ARHGAP12: variants seen among roughly 807,000 people sequenced by gnomAD.
ARHGAP12 encodes rho GTPase-activating protein 12.
Under a neutral mutation model 108.6 loss-of-function variants are expected in ARHGAP12, and 64 were observed. The ratio of observed to expected loss-of-function variants is 0.59; its 90% CI spans 0.48 to 0.73. ARHGAP12 has a LOEUF of 0.73. Among genes scored for constraint, ARHGAP12 ranks in the 30% least tolerant of loss-of-function variants. The probability of loss-of-function intolerance (pLI) is 0.00; values close to 1 mark genes in which losing one functional copy is unlikely to be tolerated. For missense variants in ARHGAP12, 940 were observed against 1,005.9 expected (o/e 0.93, Z 0.89); for synonymous variants, 312 against 337.2 (o/e 0.93, Z 0.82).
intron 13 of ARHGAP12, among the ~76,000 whole-genome samples, chr10:31,816,629 T>G (rs1459599206): frequency 1.3e-5 from 2 of 152,194 alleles, no homozygotes; most frequent in Non-Finnish European, 2.9e-5. Context: ...AAAGACAGAT[T>G]GGGCCTACAC....
intron 3 of ARHGAP12, 115 bp from the exon 4 acceptor site, chr10:31,861,773 G>C (rs962889345): frequency 1.0e-5 from 9 of 887,100 alleles, no homozygotes; most frequent in African/African-American, 3.4e-5. Context: ...CATATATACA[G>C]GTGAATATAT....
chr10:31,837,962 TG>T lies in ARHGAP12; in HGVS notation c.1386+1342del, dbSNP rs544063495. ...TCTAATGAAGCTTTACTCTGTCTGG[TG>T]GGGAAGACAGACATTAATAGAGAGT... On this transcript the variant is annotated intron_variant, in intron 9 of 19. Transcript: ENST00000344936. Among the ~76,000 whole-genome samples the T allele has an allele frequency of 2.4e-4, 36 of 152,236 alleles. No homozygotes were observed. The South Asian group carries it at 7.5e-3, about 32-fold the overall frequency.
intron 11 of ARHGAP12, among the ~76,000 whole-genome samples, chr10:31,822,314 A>T (rs1484898264): frequency 6.6e-6 from 1 of 152,208 alleles, no homozygotes; most frequent in Non-Finnish European, 1.5e-5. Context: ...TGTTTCCAAG[A>T]AGAAAGCAGC....
chr10:31,873,762 G>A (rs1837623015), intron 3 of ARHGAP12, among the ~76,000 whole-genome samples: 1 of 152,218 alleles, frequency 6.6e-6, no homozygotes, highest in Non-Finnish European at 1.5e-5. Context: ...AAAGCTAAAT[G>A]TGATAGCTGC....
intron 3 of ARHGAP12, among the ~76,000 whole-genome samples, chr10:31,893,328 A>G (rs1010791970): frequency 2.0e-5 from 3 of 152,210 alleles, no homozygotes; most frequent in Admixed American, 6.5e-5. Context: ...GAAAAAATCA[A>G]CAAAATTGAT....
intron 4 of ARHGAP12, among the ~76,000 whole-genome samples, chr10:31,858,957 C>T (rs1402603687): frequency 2.0e-5 from 3 of 151,984 alleles, no homozygotes; most frequent in African/African-American, 4.8e-5. Flanking sequence ...GCAACTGGCT[C>T]AGCAACTGAC....
Position 31,908,054 on chromosome 10 carries a change from G to T in ARHGAP12, c.684+118C>A, listed in dbSNP as rs560933537. ...ATCTCTAAATCAGGATAGAACCCAT[G>T]TACTCTGAAAATACAAAGCAAAACA... is the stretch of plus-strand genomic sequence containing the variant. On this transcript the variant is annotated intron_variant, in intron 3 of 19. Coordinates refer to ENST00000344936, the MANE Select transcript of ARHGAP12 (RefSeq NM_018287.7). 9.9e-5 allele frequency: 95 copies of T among 964,456 alleles called. 1 individual carries two copies. In the East Asian group the frequency reaches 2.1e-3, roughly 22 times the overall value. 59.7% of individuals were successfully genotyped at this position (964,456 alleles called of 1,614,324 possible).
At chr10:31,911,696 C>T (rs145774306) in intron 1 of ARHGAP12, among the ~76,000 whole-genome samples, 6 of 152,276 alleles carry the variant, frequency 3.9e-5, no homozygotes, top group African/African-American at 1.4e-4. Context: ...AACTTAAGAG[C>T]ACTAATGCGA....
At chr10:31,886,307 C>T (rs1020705256) in intron 3 of ARHGAP12, among the ~76,000 whole-genome samples, 2 of 152,098 alleles carry the variant, frequency 1.3e-5, no homozygotes, top group Non-Finnish European at 2.9e-5. Flanking sequence ...ATTATGCCAG[C>T]TTCTCAACCA....
At chr10:31,827,912 T>A (rs538172156) in intron 10 of ARHGAP12, among the ~76,000 whole-genome samples, 1 of 152,310 alleles carries the variant, frequency 6.6e-6, no homozygotes, top group East Asian at 1.9e-4. Flanking sequence ...ACTTTTTATG[T>A]CTAGTTGAAC....
chr10:31,916,239 C>G (rs1839550705), intron 1 of ARHGAP12, among the ~76,000 whole-genome samples: 1 of 152,176 alleles, frequency 6.6e-6, no homozygotes, highest in South Asian at 2.1e-4. Context: ...GCCTGCTACA[C>G]CCCGATGCTG....
At chr10:31,815,828 A>G (rs1835182301) in intron 13 of ARHGAP12, among the ~76,000 whole-genome samples, 1 of 152,158 alleles carries the variant, frequency 6.6e-6, no homozygotes, top group Non-Finnish European at 1.5e-5. Context: ...GACACTTTGG[A>G]AACAGTATGT....
At chr10:31,827,840 A>C (rs1405289729) in intron 10 of ARHGAP12, among the ~76,000 whole-genome samples, 1 of 151,756 alleles carries the variant, frequency 6.6e-6, no homozygotes, top group African/African-American at 2.4e-5. Flanking sequence ...AAGGAGGTTT[A>C]TTTTCTGTTT....
chr10:31,858,413 C>T (rs1358183319), intron 4 of ARHGAP12, among the ~76,000 whole-genome samples: 1 of 152,130 alleles, frequency 6.6e-6, no homozygotes, highest in Non-Finnish European at 1.5e-5. Flanking sequence ...TTACACTATG[C>T]ATAGACTAAC....
At chr10:31,848,446 A>G (rs1293236632) in intron 6 of ARHGAP12, among the ~76,000 whole-genome samples, 1 of 152,244 alleles carries the variant, frequency 6.6e-6, no homozygotes, top group Non-Finnish European at 1.5e-5. Flanking sequence ...CCTAGAAATT[A>G]TATTTTCAAA....
At chr10:31,879,241 T>C (rs894899286) in intron 3 of ARHGAP12, among the ~76,000 whole-genome samples, 1 of 152,042 alleles carries the variant, frequency 6.6e-6, no homozygotes, top group Non-Finnish European at 1.5e-5. Context: ...TGAAACCCCA[T>C]CTTAACAAAA....
chr10:31,838,912 G>C (rs552579232), intron 9 of ARHGAP12, among the ~76,000 whole-genome samples: 1 of 151,752 alleles, frequency 6.6e-6, no homozygotes, highest in Admixed American at 6.6e-5. Flanking sequence ...TGAGACGGGA[G>C]AATCACCTAA....
intron 3 of ARHGAP12, among the ~76,000 whole-genome samples, chr10:31,878,597 T>C (rs536092595): frequency 6.6e-6 from 1 of 152,378 alleles, no homozygotes; most frequent in African/African-American, 2.4e-5. Context: ...CCTATATTCC[T>C]TTATAGTATA....
intron 3 of ARHGAP12, among the ~76,000 whole-genome samples, chr10:31,867,580 T>C (rs924801835): frequency 6.6e-6 from 1 of 152,178 alleles, no homozygotes; most frequent in Non-Finnish European, 1.5e-5. Flanking sequence ...TTTTAACAAA[T>C]ACACTCAATG....
Sources: allele counts gnomAD v4.1 joint callset (sites outside exome capture counted in the v4.1 genomes callset), GRCh38; gene constraint gnomAD v4.1.1; transcripts MANE v1.5; gene names NCBI Gene and HGNC (gene_info 2026-07-23, HGNC 2026-07-21).